The following FER1L6 variants were observed in gnomAD, a reference collection of about 807,000 sequenced individuals.
The protein encoded by FER1L6 is fer-1 like family member 6.
Under a neutral mutation model 219.2 loss-of-function variants are expected in FER1L6, and 177 were observed. The observed-to-expected ratio is 0.81, with a 90% confidence interval of 0.71 to 0.91. FER1L6 has a LOEUF of 0.91. Ranked by LOEUF, FER1L6 falls within the 40% of genes least tolerant of loss-of-function variation. The probability of loss-of-function intolerance (pLI) is 0.00; values close to 1 mark genes in which losing one functional copy is unlikely to be tolerated. For missense variants in FER1L6, 2,153 were observed against 2,259.9 expected, an observed-to-expected ratio of 0.95 and a Z score of 0.96; for synonymous variants, 768 against 824.3, an observed-to-expected ratio of 0.93 and a Z score of 1.17.
At position 123,935,571 on chromosome 8, in the gene FER1L6, A is replaced by G. The variant is rs147585408; in HGVS notation, c.-7-20421A>G. ...TCACTGAAGTGCCTAGAAATGTATC[A>G]TAGGATAATCACTGCTGTCTCTGAG... On this transcript the variant is annotated intron_variant, in intron 1 of 40. Coordinates refer to ENST00000522917, the MANE Select transcript of FER1L6 (RefSeq NM_001039112.2). 4.7e-3 allele frequency among the ~76,000 whole-genome samples: 717 copies of G among 152,324 alleles called. 1 individual carries two copies. The highest frequency in any genetic ancestry group is 0.017 in the Middle Eastern group (5 of 294).
At chr8:123,951,865 A>G (rs560098902) in intron 1 of FER1L6, among the ~76,000 whole-genome samples, 130 of 152,298 alleles carry the variant, frequency 8.5e-4, no homozygotes, top group African/African-American at 3.1e-3. Context: ...TCTTAGGTAG[A>G]GAAGAGAGCA....
At chr8:123,985,733 T>C (rs1457054781) in intron 11 of FER1L6, 1 of 198,452 alleles carries the variant, frequency 5.0e-6, no homozygotes, top group Non-Finnish European at 1.0e-5. Context: ...AACCCCAATC[T>C]CCAGAAGGTA....
intron 1 of FER1L6, among the ~76,000 whole-genome samples, chr8:123,896,450 AT>A (rs774719736): frequency 5.9e-5 from 9 of 152,196 alleles, no homozygotes; most frequent in Admixed American, 2.6e-4. Context: ...CTCACAAGAA[AT>A]TTGACACTGT....
At chr8:124,065,119 C>G (rs571542759) in intron 26 of FER1L6, among the ~76,000 whole-genome samples, 3 of 152,082 alleles carry the variant, frequency 2.0e-5, no homozygotes, top group African/African-American at 7.2e-5. Flanking sequence ...AGGGGCCGGG[C>G]ATGGTGGCTC....
chr8:124,048,058 AG>A (rs1372615837), intron 21 of FER1L6, among the ~76,000 whole-genome samples: 2 of 152,236 alleles, frequency 1.3e-5, no homozygotes, highest in African/African-American at 4.8e-5. Flanking sequence ...CTGATTTCCT[AG>A]CCAGCTGCCC....
chr8:124,009,773 T>G (rs547929776), intron 13 of FER1L6, among the ~76,000 whole-genome samples: 63 of 152,176 alleles, frequency 4.1e-4, no homozygotes, highest in African/African-American at 1.4e-3. Flanking sequence ...GGAGCCATGT[T>G]GTTGTAGTTC....
intron 1 of FER1L6, among the ~76,000 whole-genome samples, chr8:123,875,960 T>G (rs576063334): frequency 6.6e-6 from 1 of 152,222 alleles, no homozygotes; most frequent in African/African-American, 2.4e-5. Context: ...TTCTCCTCTA[T>G]AGTATTCTCC....
intron 33 of FER1L6, among the ~76,000 whole-genome samples, chr8:124,091,046 G>GT (rs1478494884): frequency 6.6e-6 from 1 of 152,134 alleles, no homozygotes; most frequent in Non-Finnish European, 1.5e-5. Flanking sequence ...TGGGTACAGG[G>GT]TTTTCTTTTG....
chr8:124,092,003 T>C (rs900651756), intron 34 of FER1L6, among the ~76,000 whole-genome samples: 1 of 151,516 alleles, frequency 6.6e-6, no homozygotes, highest in African/African-American at 2.4e-5. Context: ...TGCATGCTTA[T>C]AGTAGAAAAT....
At position 124,082,459 on chromosome 8, in the gene FER1L6, G is replaced by T; in HGVS notation, c.4391+1G>T. ...GTGGCTTGCAGAGCCAGTATGAGAT[G>T]TAAGTTCTTTCTCCCCGGGAGACAC... is the stretch of plus-strand genomic sequence containing the variant. On this transcript the variant is annotated splice_donor_variant, in intron 33 of 40. Transcript: ENST00000522917. LOFTEE classifies it high-confidence loss of function. The T allele has an allele frequency of 6.2e-7, 1 of 1,613,244 alleles. No individual in the cohort carries two copies. Among genetic ancestry groups the T allele is most frequent in the Non-Finnish European group, 8.5e-7 (1 of 1,179,618 alleles).
chr8:124,017,864 T>C, intron 16 of FER1L6, 146 bp downstream of exon 16: 1 of 589,240 alleles, frequency 1.7e-6, no homozygotes, highest in East Asian at 2.9e-5. Flanking sequence ...GACTATTTGT[T>C]AAGTTGGAAA....
chr8:124,102,830 A>G (rs374309897), intron 38 of FER1L6, among the ~76,000 whole-genome samples: 28 of 152,188 alleles, frequency 1.8e-4, no homozygotes, highest in African/African-American at 6.8e-4. Context: ...ATCCAGGCTT[A>G]GGGAGCAGAG....
chr8:123,946,800 T>G (rs534482991), intron 1 of FER1L6, among the ~76,000 whole-genome samples: 2 of 152,214 alleles, frequency 1.3e-5, no homozygotes, highest in African/African-American at 2.4e-5. Context: ...CAACTGAAAC[T>G]TTTCCAACTC....
At chr8:124,099,863 C>T (rs1169392452) in intron 37 of FER1L6, among the ~76,000 whole-genome samples, 1 of 152,208 alleles carries the variant, frequency 6.6e-6, no homozygotes, top group Admixed American at 6.5e-5. Flanking sequence ...TCTAAGGCTG[C>T]ATCCTTATTT....
chr8:124,039,935 G>A lies in FER1L6; in HGVS notation c.2518G>A (p.Ala840Thr), dbSNP rs142217401. The A allele has an allele frequency of 6.0e-3, 9,614 of 1,614,056 alleles. 59 individuals carry two copies. Among genetic ancestry groups the A allele is most frequent in the Middle Eastern group, 0.018 (109 of 6,062 alleles). ...AHMYQARGLI[A>T]ADSNGLSDPF... The stretch of plus-strand genomic sequence containing the variant: ...CATGTACCAAGCCCGGGGCCTCATC[G>A]CAGCTGACAGCAATGGACTTTCAGA... Residue 840 changes from alanine to threonine, a missense_variant, in exon 20 of 41, where the codon GCA (alanine) becomes ACA (threonine). Ala to Thr is a moderately conservative substitution (Grantham distance 58). Coordinates refer to ENST00000522917, the MANE Select transcript of FER1L6 (RefSeq NM_001039112.2).
At chr8:124,116,399 G>A (rs569255249) in intron 39 of FER1L6, among the ~76,000 whole-genome samples, 3 of 151,894 alleles carry the variant, frequency 2.0e-5, no homozygotes, top group South Asian at 4.2e-4. Context: ...TAGCCAAAAA[G>A]GGCATGCATG....
Position 123,876,015 on chromosome 8 carries a change from G to A in FER1L6, c.-8+23830G>A, listed in dbSNP as rs1327567793. Among the ~76,000 whole-genome samples the A allele has an allele frequency of 2.0e-5, 3 of 152,154 alleles. No homozygotes were observed. The East Asian group carries it at 5.8e-4, about 29-fold the overall frequency. On this transcript the variant is annotated intron_variant, in intron 1 of 40. Coordinates refer to ENST00000522917, the MANE Select transcript of FER1L6 (RefSeq NM_001039112.2). ...CTTTGACAAACTTCAGTCAAATCAT[G>A]TCACTCTGCTTCTAAAAGCCCCTCA...
chr8:124,107,943 T>G (rs1822848035), intron 39 of FER1L6, among the ~76,000 whole-genome samples: 1 of 152,210 alleles, frequency 6.6e-6, no homozygotes, highest in Non-Finnish European at 1.5e-5. Context: ...CATCAAAAAA[T>G]GCATGTCTGT....
chr8:123,932,745 C>T (rs1586481354), intron 1 of FER1L6, among the ~76,000 whole-genome samples: 1 of 152,134 alleles, frequency 6.6e-6, no homozygotes, highest in Non-Finnish European at 1.5e-5. Flanking sequence ...GTAATTAGGG[C>T]GTTGGAGTAT....
Sources: allele counts gnomAD v4.1 joint callset (sites outside exome capture counted in the v4.1 genomes callset), GRCh38; gene constraint gnomAD v4.1.1; transcripts MANE v1.5; gene names NCBI Gene and HGNC (gene_info 2026-07-23, HGNC 2026-07-21).